Variants in PSIP1 observed in about 807,000 individuals in gnomAD.
PSIP1 encodes PC4 and SRSF1 interacting protein 1.
Under a neutral mutation model 74.7 loss-of-function variants are expected in PSIP1, and 19 were observed. The ratio of observed to expected loss-of-function variants is 0.25; its 90% CI spans 0.18 to 0.37. The LOEUF (loss-of-function observed/expected upper bound fraction) is 0.37, where lower values mean the gene tolerates loss of function less well. Among genes scored for constraint, PSIP1 ranks in the 10% least tolerant of loss-of-function variants. The probability of loss-of-function intolerance (pLI) is 1.00; values close to 1 mark genes in which losing one functional copy is unlikely to be tolerated. For missense variants in PSIP1, 601 were observed against 614.3 expected (o/e 0.98, Z 0.23); for synonymous variants, 222 against 195.3 (o/e 1.14, Z -1.14).
intron 6 of PSIP1, among the ~76,000 whole-genome samples, chr9:15,482,380 C>A (rs374872750): frequency 6.6e-6 from 1 of 152,164 alleles, no homozygotes; most frequent in Admixed American, 6.5e-5. Flanking sequence ...CCTCCTCCTC[C>A]CACCAACAGC....
At chr9:15,480,206 C>T (rs1243344357) in intron 6 of PSIP1, among the ~76,000 whole-genome samples, 3 of 152,106 alleles carry the variant, frequency 2.0e-5, no homozygotes, top group African/African-American at 7.2e-5. Flanking sequence ...AAATGAGAAT[C>T]AGTATTATTG....
In PSIP1 at chr9:15,486,993, T is replaced by A. The variant is rs1005514352; in HGVS notation, c.289-62A>T. ...GTTTTTATCCCAATAATATATACAA[T>A]TCTTTATTTTTATTTTTTTTTTAGA... On this transcript the variant is annotated intron_variant, in intron 4 of 15. Transcript: ENST00000380733. The A allele has an allele frequency of 7.4e-6, 8 of 1,088,078 alleles. No individual in the cohort carries two copies. The Admixed American group carries it at 1.5e-4, about 21-fold the overall frequency. 67.4% of individuals were successfully genotyped at this position (1,088,078 alleles called of 1,614,324 possible).
At position 15,480,088 on chromosome 9, in the gene PSIP1, C is replaced by G. The variant is rs866747185; in HGVS notation, c.457-401G>C. 1.2e-3 allele frequency among the ~76,000 whole-genome samples: 182 copies of G among 152,194 alleles called. 1 individual carries two copies. Among genetic ancestry groups the G allele is most frequent in the African/African-American group, 4.3e-3 (177 of 41,522 alleles). On this transcript the variant is annotated intron_variant, in intron 6 of 15. Transcript: ENST00000380733. ...TCCTTTAGGAGTTATTCTTATTTCCCGTAAGAAAGGATTTACTACAACAGA... is the reference window on the plus strand; with the variant it reads ...TCCTTTAGGAGTTATTCTTATTTCCGGTAAGAAAGGATTTACTACAACAGA...
intron 3 of PSIP1, among the ~76,000 whole-genome samples, chr9:15,498,554 A>G (rs1033998439): frequency 5.9e-5 from 9 of 152,300 alleles, no homozygotes; most frequent in African/African-American, 2.2e-4. Context: ...TTTGGTGAAC[A>G]GGGACCAGAT....
chr9:15,497,214 AAGTAGAGT>A (rs1563893008), intron 3 of PSIP1, among the ~76,000 whole-genome samples: 1 of 151,692 alleles, frequency 6.6e-6, no homozygotes, highest in Non-Finnish European at 1.5e-5. Context: ...TGACAATAAA[AAGTAGAGT>A]AGTAATGTAC....
intron 10 of PSIP1, chr9:15,471,525 C>T (rs558851575): frequency 2.0e-6 from 2 of 976,338 alleles, no homozygotes; most frequent in South Asian, 9.5e-5. Flanking sequence ...AACAAACAGT[C>T]CAACAGCTTT....
intron 3 of PSIP1, among the ~76,000 whole-genome samples, chr9:15,491,443 G>T (rs2036827585): frequency 6.6e-6 from 1 of 152,306 alleles, no homozygotes; most frequent in African/African-American, 2.4e-5. Flanking sequence ...GTTTGTGAAT[G>T]ACCTGTACAA....
chr9:15,483,426 C>A (rs62571007), intron 6 of PSIP1, among the ~76,000 whole-genome samples: 6,330 of 150,972 alleles, frequency 0.042, 157 homozygotes, highest in South Asian at 0.068. Flanking sequence ...TCCCATCTCT[C>A]GTCTACACCA....
At chr9:15,468,549 A>T in intron 14 of PSIP1, 81 bp downstream of exon 14, 1 of 1,401,182 alleles carries the variant, frequency 7.1e-7, no homozygotes, top group South Asian at 1.2e-5. Flanking sequence ...CAGTGAAACT[A>T]TGTATGAAAG....
chr9:15,466,690 G>T, intron 15 of PSIP1, 58 bp downstream of exon 15: 1 of 1,349,664 alleles, frequency 7.4e-7, no homozygotes, highest in Non-Finnish European at 1.0e-6. Flanking sequence ...GAACAGAACT[G>T]TGATTAAAAA....
intron 3 of PSIP1, among the ~76,000 whole-genome samples, chr9:15,499,053 G>C (rs545187352): frequency 1.3e-5 from 2 of 152,224 alleles, no homozygotes; most frequent in East Asian, 3.9e-4. Context: ...AGAGCTGAAA[G>C]GAAACTGAGG....
In PSIP1 at chr9:15,486,889, C is replaced by T; in HGVS notation, c.331G>A (p.Glu111Lys). ...QSNASSDVEV[E>K]EKETSVSKED... is the part of the protein sequence containing the mutation. ...TTTGAAACACTAGTTTCCTTTTCTTCAACTTCAACATCAGATGATGCATTT... is the reference window on the plus strand; with the variant it reads ...TTTGAAACACTAGTTTCCTTTTCTTTAACTTCAACATCAGATGATGCATTT... The change falls in exon 5 of 16, where the codon GAA (glutamate) becomes AAA (lysine). Residue 111 changes from glutamate (E) to lysine (K), a missense_variant. Glu to Lys is a moderately conservative substitution (Grantham distance 56). This residue lies in a region of PSIP1 where 538 missense variants were observed against 507.6 expected (regional missense o/e 1.06). Coordinates refer to ENST00000380733, the MANE Select transcript of PSIP1 (RefSeq NM_033222.5). The T allele has an allele frequency of 1.2e-6, 2 of 1,612,590 alleles. No individual in the cohort carries two copies. Among genetic ancestry groups the T allele is most frequent in the Non-Finnish European group, 1.7e-6 (2 of 1,179,326 alleles).
At chr9:15,506,482 T>TC in intron 3 of PSIP1, 79 bp downstream of exon 3, 1 of 996,348 alleles carries the variant, frequency 1.0e-6, no homozygotes, top group South Asian at 1.5e-5. Context: ...CGTTACGATT[T>TC]CCCCCTTGAA....
intron 6 of PSIP1, 82 bp from the exon 7 acceptor site, chr9:15,479,769 T>A (rs1284690251): frequency 1.1e-5 from 11 of 1,038,774 alleles, no homozygotes; most frequent in Non-Finnish European, 1.6e-5. Flanking sequence ...TATGCCAGTC[T>A]ATGGTAACGT....
chr9:15,496,354 AACAG>A (rs1312483256), intron 3 of PSIP1, among the ~76,000 whole-genome samples: 1 of 152,238 alleles, frequency 6.6e-6, no homozygotes, highest in African/African-American at 2.4e-5. Context: ...TTCCACTTTT[AACAG>A]ACAGCAGTAT....
chr9:15,474,087 T>C lies in PSIP1; in HGVS notation c.780A>G (p.Lys260=), dbSNP rs199850965. Residue 260 remains lysine (K), a synonymous_variant, in exon 9 of 16, where the codon AAA becomes AAG. Coordinates refer to ENST00000380733, the MANE Select transcript of PSIP1 (RefSeq NM_033222.5). The part of the protein sequence containing the change: ...KKEGKKEVES[K]RKNLAKTGVT... ...CCCCTGTTTTAGCTAAATTTTTCCTTTTTGATTCAACTTCTTTCTTCCCCT... is the reference window on the plus strand; with the variant it reads ...CCCCTGTTTTAGCTAAATTTTTCCTCTTTGATTCAACTTCTTTCTTCCCCT... The C allele has an allele frequency of 6.2e-7, 1 of 1,613,808 alleles. No individual in the cohort carries two copies. Among genetic ancestry groups the C allele is most frequent in the Non-Finnish European group, 8.5e-7 (1 of 1,179,914 alleles).
chr9:15,510,316 T>A lies in PSIP1; in HGVS notation c.-128A>T, dbSNP rs2037801863. ...GGGCGGGGGAGGATGCCTCGGGGCG[T>A]CCCGACGCGCCTGCTAGGGAGAGCA... On this transcript the variant is annotated 5_prime_UTR_variant, in exon 2 of 16. Transcript: ENST00000380733. 2 of 433,292 alleles carry A rather than the reference T, an allele frequency of 4.6e-6. No individual in the cohort carries two copies. Among genetic ancestry groups the A allele is most frequent in the South Asian group, 2.6e-5 (1 of 38,588 alleles). The allele number at this position is 433,292 out of a possible 1,614,324, so 26.8% of individuals were successfully genotyped here. A position where few individuals can be genotyped will look rare whatever the true frequency, so the allele number is the denominator to read the frequency against.
chr9:15,497,325 C>CTTTTT lies in PSIP1; in HGVS notation c.150-7206_150-7202dup, dbSNP rs767922897. Among the ~76,000 whole-genome samples, 879 of 118,538 alleles carry CTTTTT rather than the reference C, an allele frequency of 7.4e-3. 58 individuals are homozygous for CTTTTT. Among genetic ancestry groups the CTTTTT allele is most frequent in the African/African-American group, 0.021 (514 of 24,850 alleles). 77.8% of individuals were successfully genotyped at this position (118,538 alleles called of 152,430 possible). Reference sequence around the variant, plus strand: ...CTGAAGACCACACGTTCTATGATTCCTTTTTTTTTTTTTTTTGAGACAGAG... The same window carrying CTTTTT: ...CTGAAGACCACACGTTCTATGATTCCTTTTTTTTTTTTTTTTTTTTTGAGACAGAG... On this transcript the variant is annotated intron_variant, in intron 3 of 15. Transcript: ENST00000380733.
intron 10 of PSIP1, chr9:15,472,141 CATA>C: frequency 4.1e-6 from 4 of 983,596 alleles, no homozygotes; most frequent in Non-Finnish European, 4.8e-6. Flanking sequence ...ATTGCACATA[CATA>C]ATAATGTACA....
Sources: allele counts gnomAD v4.1 joint callset (sites outside exome capture counted in the v4.1 genomes callset), GRCh38; gene constraint gnomAD v4.1.1; regional missense constraint gnomAD v4.1.1; transcripts MANE v1.5; gene names NCBI Gene and HGNC (gene_info 2026-07-23, HGNC 2026-07-21).